DLGAP2: variants seen among roughly 807,000 people sequenced by gnomAD.
DLGAP2 encodes disks large-associated protein 2.
Under a neutral mutation model 100.3 loss-of-function variants are expected in DLGAP2, and 26 were observed. The observed-to-expected ratio is 0.26, with a 90% CI of 0.19 to 0.36. The LOEUF is 0.36. Among genes scored for constraint, DLGAP2 ranks in the 10% least tolerant of loss-of-function variants. The pLI, the probability that DLGAP2 is intolerant of heterozygous loss-of-function variation, is 1.00. For synonymous variants in DLGAP2, 886 were observed against 630.1 expected (o/e 1.41, Z -6.08); for missense variants, 1,858 against 1,453.2 (o/e 1.28, Z -4.53).
intron 6 of DLGAP2, among the ~76,000 whole-genome samples, chr8:1,593,014 C>A (rs1563243603): frequency 6.6e-6 from 1 of 152,044 alleles, no homozygotes. Context: ...TTTATTAATT[C>A]AGCATTTGTG....
chr8:1,656,856 G>C (rs908527659), intron 8 of DLGAP2, among the ~76,000 whole-genome samples: 1 of 152,130 alleles, frequency 6.6e-6, no homozygotes, highest in Non-Finnish European at 1.5e-5. Context: ...AGTTCCTTCT[G>C]ATCACAACCC....
At chr8:1,698,441 T>C (rs113404002) in intron 14 of DLGAP2, among the ~76,000 whole-genome samples, 271 of 138,468 alleles carry the variant, frequency 2.0e-3, no homozygotes, top group African/African-American at 7.2e-3. Flanking sequence ...AGTAGGCTGG[T>C]CCACGTAAGC....
chr8:1,244,144 C>T (rs946993993), intron 2 of DLGAP2, among the ~76,000 whole-genome samples: 1 of 152,240 alleles, frequency 6.6e-6, no homozygotes, highest in Non-Finnish European at 1.5e-5. Context: ...GTGTGGGCTC[C>T]TGTACATGCC....
intron 6 of DLGAP2, among the ~76,000 whole-genome samples, chr8:1,588,285 G>GA (rs1796186546): frequency 6.6e-6 from 1 of 152,078 alleles, no homozygotes; most frequent in South Asian, 2.1e-4. Flanking sequence ...AGATTCCAGA[G>GA]AATGTACTGA....
chr8:901,020 G>A (rs1365549462), intron 1 of DLGAP2, among the ~76,000 whole-genome samples: 2 of 152,226 alleles, frequency 1.3e-5, no homozygotes, highest in African/African-American at 4.8e-5. Context: ...GTTGGGTGTA[G>A]TGGCTCATGC....
intron 2 of DLGAP2, among the ~76,000 whole-genome samples, chr8:1,160,746 C>A (rs1796873475): frequency 6.6e-6 from 1 of 152,224 alleles, no homozygotes; most frequent in Non-Finnish European, 1.5e-5. Context: ...CCACCCCGAG[C>A]CTGGCTCCTT....
At chr8:1,565,449 C>T in intron 5 of DLGAP2, 1 of 426,144 alleles carries the variant, frequency 2.3e-6, no homozygotes, top group Non-Finnish European at 4.1e-6. Flanking sequence ...ACTTTTCTCA[C>T]ATGTTCTCAC....
chr8:1,467,751 G>A (rs952831947), intron 3 of DLGAP2, among the ~76,000 whole-genome samples: 1 of 152,076 alleles, frequency 6.6e-6, no homozygotes, highest in Non-Finnish European at 1.5e-5. Context: ...CCAGTAAGGG[G>A]GGCAGAGTGG....
intron 4 of DLGAP2, among the ~76,000 whole-genome samples, chr8:1,546,748 C>G (rs1333518480): frequency 6.6e-6 from 1 of 152,082 alleles, no homozygotes; most frequent in African/African-American, 2.4e-5. Flanking sequence ...TGGACTCACC[C>G]CAAGACTGCA....
In DLGAP2 at chr8:880,323, G is replaced by C. The variant is rs76955185; in HGVS notation, c.19-27589G>C. Among the ~76,000 whole-genome samples, 527 of 152,332 alleles carry C rather than the reference G, an allele frequency of 3.5e-3. 10 individuals carry two copies. The highest frequency in any genetic ancestry group is 0.027 in the Admixed American group (419 of 15,306). ...TGCCACCGAGGCCATGCGTCTTCTAGAATGTAGATGTGCTTCTGTCTCACA... is the reference window on the plus strand; with the variant it reads ...TGCCACCGAGGCCATGCGTCTTCTACAATGTAGATGTGCTTCTGTCTCACA... On this transcript the variant is annotated intron_variant, in intron 1 of 14. Transcript: ENST00000637795.
intron 2 of DLGAP2, among the ~76,000 whole-genome samples, chr8:1,087,514 T>A (rs887023862): frequency 6.6e-6 from 1 of 151,470 alleles, no homozygotes; most frequent in African/African-American, 2.4e-5. Flanking sequence ...TGTTTAGTTG[T>A]CAGTGAACCA....
At chr8:1,386,727 C>T (rs1585323902) in intron 3 of DLGAP2, among the ~76,000 whole-genome samples, 1 of 152,000 alleles carries the variant, frequency 6.6e-6, no homozygotes, top group Non-Finnish European at 1.5e-5. Flanking sequence ...AGGAGATGCT[C>T]AGGATGGGGA....
chr8:1,073,603 G>T (rs55641010), intron 2 of DLGAP2, among the ~76,000 whole-genome samples: 1 of 152,160 alleles, frequency 6.6e-6, no homozygotes, highest in African/African-American at 2.4e-5. Context: ...AGTTCCTTGA[G>T]TGAAATGGTG....
At chr8:1,208,920 G>T (rs1371733608) in intron 2 of DLGAP2, among the ~76,000 whole-genome samples, 1 of 150,908 alleles carries the variant, frequency 6.6e-6, no homozygotes, top group Non-Finnish European at 1.5e-5. Context: ...AAAATGCTTA[G>T]GAATATACCT....
chr8:1,201,451 A>AG (rs1207477420), intron 2 of DLGAP2, among the ~76,000 whole-genome samples: 4 of 152,150 alleles, frequency 2.6e-5, no homozygotes, highest in African/African-American at 7.2e-5. Context: ...AGGACCTGGA[A>AG]GGGGAGGAAG....
rs765798753 is a variant in DLGAP2 at position 1,224,835 on chromosome 8, C to T, written c.74-34016C>T. Among the ~76,000 whole-genome samples the T allele has an allele frequency of 2.0e-5, 3 of 152,324 alleles. No homozygotes were observed. In the East Asian group the frequency reaches 5.8e-4, roughly 29 times the overall value. On this transcript the variant is annotated intron_variant, in intron 2 of 14. Transcript: ENST00000637795. ...TGGTCAACAAGCACGTGATAAGATG[C>T]TTAAAACTATGAGTCCCTGGGGAGA...
At chr8:928,133 A>G (rs372230445) in intron 2 of DLGAP2, among the ~76,000 whole-genome samples, 20 of 152,300 alleles carry the variant, frequency 1.3e-4, no homozygotes, top group African/African-American at 4.3e-4. Context: ...GCCACCTCCT[A>G]GGAGAATTTC....
chr8:1,045,823 A>T (rs1270145760), intron 2 of DLGAP2, among the ~76,000 whole-genome samples: 1 of 152,168 alleles, frequency 6.6e-6, no homozygotes, highest in South Asian at 2.1e-4. Flanking sequence ...GTAAGCAGGA[A>T]TGTGCATTTC....
chr8:777,795 G>A (rs972353420), intron 1 of DLGAP2, among the ~76,000 whole-genome samples: 13 of 151,964 alleles, frequency 8.6e-5, no homozygotes, highest in African/African-American at 1.9e-4. Context: ...TTTTTCCTTC[G>A]TTTTGACTTT....
Sources: allele counts gnomAD v4.1 joint callset (sites outside exome capture counted in the v4.1 genomes callset), GRCh38; gene constraint gnomAD v4.1.1; transcripts MANE v1.5; gene names NCBI Gene and HGNC (gene_info 2026-07-23, HGNC 2026-07-21).